Variants in CTNND2 observed in about 807,000 individuals in gnomAD.
CTNND2 encodes catenin delta 2.
A neutral mutation model predicts 144.4 loss-of-function variants in CTNND2; 22 were observed. The ratio of observed to expected loss-of-function variants is 0.15; its 90% CI spans 0.11 to 0.22. The LOEUF is 0.22. Ranked by LOEUF, CTNND2 falls within the 10% of genes least tolerant of loss-of-function variation. The pLI is 1.00. For missense variants in CTNND2, 1,353 were observed against 1,618.8 expected, an observed-to-expected ratio of 0.84 and a Z score of 2.82; for synonymous variants, 751 against 695.6, an observed-to-expected ratio of 1.08 and a Z score of -1.25.
At chr5:11,179,549 C>G (rs1455148040) in intron 11 of CTNND2, among the ~76,000 whole-genome samples, 1 of 152,102 alleles carries the variant, frequency 6.6e-6, no homozygotes, top group Non-Finnish European at 1.5e-5. Context: ...GTACCTAACC[C>G]TGACATTCTA....
intron 3 of CTNND2, among the ~76,000 whole-genome samples, chr5:11,432,657 T>C: frequency 6.6e-6 from 1 of 151,962 alleles, no homozygotes. Context: ...AAAGACAGAG[T>C]ATCTTCAAGA....
chr5:11,236,109 G>C (rs1741606510), intron 10 of CTNND2, among the ~76,000 whole-genome samples: 1 of 152,156 alleles, frequency 6.6e-6, no homozygotes, highest in South Asian at 2.1e-4. Context: ...CAAAAACACA[G>C]AGCATGTTAA....
At chr5:11,525,190 T>C (rs890968056) in intron 3 of CTNND2, among the ~76,000 whole-genome samples, 1 of 152,166 alleles carries the variant, frequency 6.6e-6, no homozygotes, top group Non-Finnish European at 1.5e-5. Context: ...ACATCCATGC[T>C]TGAGTTACAT....
At chr5:11,744,441 T>A (rs953429150) in intron 1 of CTNND2, among the ~76,000 whole-genome samples, 4 of 152,182 alleles carry the variant, frequency 2.6e-5, no homozygotes, top group Non-Finnish European at 4.4e-5. Context: ...ACCTGAGGAC[T>A]GAGAAGAAAG....
At chr5:11,174,547 CTG>C (rs910853757) in intron 11 of CTNND2, among the ~76,000 whole-genome samples, 1 of 151,904 alleles carries the variant, frequency 6.6e-6, no homozygotes, top group African/African-American at 2.4e-5. Flanking sequence ...TAATTTGAAA[CTG>C]TTTCTCTTTT....
At chr5:11,664,691 C>G (rs75111446) in intron 2 of CTNND2, among the ~76,000 whole-genome samples, 1,537 of 152,152 alleles carry the variant, frequency 0.01, 7 homozygotes, top group Non-Finnish European at 0.017. Context: ...TTTCAGATGG[C>G]CTTCGGGTTG....
At chr5:11,853,344 A>C (rs569793418) in intron 1 of CTNND2, among the ~76,000 whole-genome samples, 2 of 151,606 alleles carry the variant, frequency 1.3e-5, no homozygotes, top group African/African-American at 2.4e-5. Context: ...TTTTCTTCCT[A>C]CTTCACTGGC....
intron 12 of CTNND2, among the ~76,000 whole-genome samples, chr5:11,127,016 A>C (rs896303281): frequency 1.3e-5 from 2 of 152,266 alleles, no homozygotes; most frequent in Non-Finnish European, 2.9e-5. Flanking sequence ...CAGCCTGTGC[A>C]AATACCATCC....
chr5:11,738,568 G>A lies in CTNND2; in HGVS notation c.38-6296C>T, dbSNP rs533960280. Among the ~76,000 whole-genome samples the A allele has an allele frequency of 7.9e-5, 12 of 152,214 alleles. No homozygotes were observed. In the South Asian group the frequency reaches 2.5e-3, roughly 32 times the overall value. Reference sequence around the variant, plus strand: ...ACAATATTCAATGTCATATTTTATTGACATCCATCACACACACACAAACAC... The same window carrying A: ...ACAATATTCAATGTCATATTTTATTAACATCCATCACACACACACAAACAC... On this transcript the variant is annotated intron_variant, in intron 1 of 21. Coordinates refer to ENST00000304623, the MANE Select transcript of CTNND2 (RefSeq NM_001332.4).
chr5:11,495,276 T>A (rs1210283145), intron 3 of CTNND2, among the ~76,000 whole-genome samples: 1 of 152,244 alleles, frequency 6.6e-6, no homozygotes, highest in African/African-American at 2.4e-5. Flanking sequence ...ATAGAAAGAT[T>A]AGTAATCATT....
intron 2 of CTNND2, among the ~76,000 whole-genome samples, chr5:11,707,548 T>C (rs914410286): frequency 6.6e-6 from 1 of 152,070 alleles, no homozygotes; most frequent in African/African-American, 2.4e-5. Context: ...TTCAGGAAGA[T>C]ACCACAGGAA....
chr5:11,587,769 G>A (rs1778969827), intron 2 of CTNND2, among the ~76,000 whole-genome samples: 2 of 151,974 alleles, frequency 1.3e-5, no homozygotes, highest in African/African-American at 4.8e-5. Context: ...GAATCTCTCA[G>A]GCATTCCATT....
At chr5:11,584,308 C>T (rs1364275385) in intron 2 of CTNND2, among the ~76,000 whole-genome samples, 2 of 151,454 alleles carry the variant, frequency 1.3e-5, no homozygotes, top group Non-Finnish European at 2.9e-5. Context: ...GTAGTGGAGG[C>T]GGAAAGGATG....
At chr5:11,137,775 G>T (rs1180982706) in intron 12 of CTNND2, among the ~76,000 whole-genome samples, 1 of 152,156 alleles carries the variant, frequency 6.6e-6, no homozygotes, top group Non-Finnish European at 1.5e-5. Flanking sequence ...ATGTCTAGGA[G>T]TGCTCATGGG....
intron 11 of CTNND2, among the ~76,000 whole-genome samples, chr5:11,179,252 C>T (rs1283684141): frequency 6.6e-6 from 1 of 151,914 alleles, no homozygotes; most frequent in Non-Finnish European, 1.5e-5. Flanking sequence ...GAAATTGCAC[C>T]ACTGCACTCC....
chr5:11,446,435 G>A (rs1234922282), intron 3 of CTNND2, among the ~76,000 whole-genome samples: 1 of 152,174 alleles, frequency 6.6e-6, no homozygotes, highest in South Asian at 2.1e-4. Flanking sequence ...AATGGCATGT[G>A]GGTAGGGCTG....
intron 10 of CTNND2, among the ~76,000 whole-genome samples, chr5:11,205,511 G>A (rs891900637): frequency 6.6e-6 from 1 of 151,910 alleles, no homozygotes; most frequent in Admixed American, 6.6e-5. Context: ...GCTACTGGAA[G>A]ATACAAATTT....
In CTNND2 at chr5:11,205,037, G is replaced by A. The variant is rs181169018; in HGVS notation, c.1762-5376C>T. ...TCAAAACAGGTAAGGACCTGGGTGT[G>A]TGCTGCTATTCCTCTCAGGAATCTT... On this transcript the variant is annotated intron_variant, in intron 10 of 21. Coordinates refer to ENST00000304623, the MANE Select transcript of CTNND2 (RefSeq NM_001332.4). Among the ~76,000 whole-genome samples, 31 of 152,298 alleles carry A rather than the reference G, an allele frequency of 2.0e-4. No homozygotes were observed. In the East Asian group the frequency reaches 5.0e-3, roughly 25 times the overall value.
Position 11,236,620 on chromosome 5 carries a change from C to T in CTNND2, c.1761+71G>A, listed in dbSNP as rs892102970. The T allele has an allele frequency of 8.7e-6, 13 of 1,493,734 alleles. No homozygotes were observed. In the African/African-American group the frequency reaches 1.5e-4, roughly 18 times the overall value. The allele number at this position is 1,493,734 out of a possible 1,614,324, so 92.5% of individuals were successfully genotyped here. A position where few individuals can be genotyped will look rare whatever the true frequency, so the allele number is the denominator to read the frequency against. On this transcript the variant is annotated intron_variant, in intron 10 of 21. Transcript: ENST00000304623. ...CTTCAGTTCTCCTAATTCTTTTCCC[C>T]ATCAACATTAAGAAGATCTAAGTGC...
Sources: gnomAD v4.1 joint callset for allele counts (sites outside exome capture counted in the v4.1 genomes callset) on GRCh38, gnomAD v4.1.1 for gene constraint, MANE v1.5 for transcripts, NCBI Gene and HGNC (gene_info 2026-07-23, HGNC 2026-07-21) for gene names.